Variants in DPYSL3 observed in about 807,000 individuals in gnomAD.
DPYSL3 encodes the protein dihydropyrimidinase-related protein 3.
A neutral mutation model predicts 66.1 loss-of-function variants in DPYSL3; 16 were observed. The ratio of observed to expected loss-of-function variants is 0.24; its 90% CI spans 0.16 to 0.37. The LOEUF is 0.37. Among genes scored for constraint, DPYSL3 ranks in the 10% least tolerant of loss-of-function variants. The probability of loss-of-function intolerance (pLI) is 1.00; values close to 1 mark genes in which losing one functional copy is unlikely to be tolerated. For synonymous variants in DPYSL3, 338 were observed against 345.1 expected (o/e 0.98, Z 0.23); for missense variants, 738 against 916.2 (o/e 0.81, Z 2.51).
At chr5:147,452,756 A>C (rs1423025200) in intron 1 of DPYSL3, among the ~76,000 whole-genome samples, 1 of 152,018 alleles carries the variant, frequency 6.6e-6, no homozygotes, top group Non-Finnish European at 1.5e-5. Flanking sequence ...TCTTGCACAC[A>C]ATGGGTTGAA....
chr5:147,405,366 G>C (rs1310470982), intron 8 of DPYSL3, among the ~76,000 whole-genome samples: 2 of 152,230 alleles, frequency 1.3e-5, no homozygotes, highest in Non-Finnish European at 2.9e-5. Flanking sequence ...CAAAGTCTCA[G>C]AAGAACTGGT....
At chr5:147,502,323 A>AC in intron 1 of DPYSL3, among the ~76,000 whole-genome samples, 1 of 152,130 alleles carries the variant, frequency 6.6e-6, no homozygotes, top group Non-Finnish European at 1.5e-5. Flanking sequence ...AAATAATTTA[A>AC]ACACAGAAAT....
chr5:147,420,914 C>T (rs1752064877), intron 2 of DPYSL3, among the ~76,000 whole-genome samples: 2 of 152,102 alleles, frequency 1.3e-5, no homozygotes, highest in African/African-American at 2.4e-5. Flanking sequence ...ATTTAAGGCT[C>T]AATTGTAAAA....
intron 1 of DPYSL3, among the ~76,000 whole-genome samples, chr5:147,427,599 T>A (rs1282265835): frequency 1.3e-5 from 2 of 152,164 alleles, no homozygotes; most frequent in Non-Finnish European, 2.9e-5. Context: ...TGTGTACACA[T>A]TAGAAAAATA....
chr5:147,417,655 T>C (rs1001695316), intron 3 of DPYSL3, among the ~76,000 whole-genome samples: 3 of 152,186 alleles, frequency 2.0e-5, no homozygotes, highest in Admixed American at 6.5e-5. Context: ...AGGATTCCTT[T>C]GGGACAGGAA....
At chr5:147,450,116 T>C (rs1752699161) in intron 1 of DPYSL3, among the ~76,000 whole-genome samples, 1 of 152,120 alleles carries the variant, frequency 6.6e-6, no homozygotes, top group South Asian at 2.1e-4. Context: ...CAGTTGGGTA[T>C]GTAGGTTTAA....
At chr5:147,485,535 C>T (rs1222982646) in intron 1 of DPYSL3, among the ~76,000 whole-genome samples, 3 of 152,104 alleles carry the variant, frequency 2.0e-5, no homozygotes, top group Non-Finnish European at 2.9e-5. Flanking sequence ...GTATTCTTTA[C>T]TATTAAAATG....
intron 1 of DPYSL3, among the ~76,000 whole-genome samples, chr5:147,459,901 C>A (rs904006186): frequency 2.6e-5 from 4 of 152,070 alleles, no homozygotes; most frequent in Non-Finnish European, 5.9e-5. Context: ...ATGAGGTCAG[C>A]AGATCAAGAC....
rs185191627 is a variant in DPYSL3 at position 147,391,836 on chromosome 5, T to C, written c.*2199A>G. ...GGTTGTTCCCAGAGCAAGGAAATCTTGTGCAGAATCAAAGGTTCTGGTGGA... is the reference window on the plus strand; with the variant it reads ...GGTTGTTCCCAGAGCAAGGAAATCTCGTGCAGAATCAAAGGTTCTGGTGGA... On this transcript the variant is annotated 3_prime_UTR_variant, in exon 14 of 14. Coordinates refer to ENST00000343218, the MANE Select transcript of DPYSL3 (RefSeq NM_001197294.2). The C allele has an allele frequency of 7.2e-5, 11 of 152,270 alleles. No homozygotes were observed. The highest frequency in any genetic ancestry group is 1.9e-4 in the African/African-American group (8 of 41,540). 9.4% of individuals were successfully genotyped at this position (152,270 alleles called of 1,614,324 possible).
chr5:147,471,343 G>C (rs1753083155), intron 1 of DPYSL3, among the ~76,000 whole-genome samples: 1 of 152,122 alleles, frequency 6.6e-6, no homozygotes, highest in African/African-American at 2.4e-5. Context: ...CCTCCACCTA[G>C]GCTAGAATCA....
At chr5:147,455,738 A>G (rs1184924495) in intron 1 of DPYSL3, among the ~76,000 whole-genome samples, 3 of 152,062 alleles carry the variant, frequency 2.0e-5, no homozygotes, top group African/African-American at 7.2e-5. Context: ...AAGCAAAAAT[A>G]TGTAGGGGAC....
At chr5:147,402,202 C>A (rs1758201725) in intron 8 of DPYSL3, among the ~76,000 whole-genome samples, 1 of 152,158 alleles carries the variant, frequency 6.6e-6, no homozygotes, top group Non-Finnish European at 1.5e-5. Flanking sequence ...CTTTCTTTAC[C>A]TGTTATGCCT....
Position 147,395,707 on chromosome 5 carries a change from A to C in DPYSL3, c.1818T>G (p.His606Gln), listed in dbSNP as rs1757950272. ...IKARRKMADL[H>Q]AVPRGMYDGP... ...CATCGTACATGCCCCTTGGGACGGC[A>C]TGCAGGTCTGCCATCTGCAGCCAGA... Residue 606 changes from histidine (H) to glutamine (Q), a missense_variant, in exon 13 of 14, where the codon CAT becomes CAG. Coordinates refer to ENST00000343218, the MANE Select transcript of DPYSL3 (RefSeq NM_001197294.2). 1 of 1,613,928 alleles carries C rather than the reference A, an allele frequency of 6.2e-7. No homozygotes were observed. Among genetic ancestry groups the C allele is most frequent in the Non-Finnish European group, 8.5e-7 (1 of 1,180,008 alleles).
In DPYSL3 at chr5:147,393,318, C is replaced by T. The variant is rs1456177251; in HGVS notation, c.*717G>A. 1 of 152,262 alleles carries T rather than the reference C, an allele frequency of 6.6e-6. No individual in the cohort carries two copies. Among genetic ancestry groups the T allele is most frequent in the Non-Finnish European group, 1.5e-5 (1 of 68,112 alleles). 9.4% of individuals were successfully genotyped at this position (152,262 alleles called of 1,614,324 possible). A position where few individuals can be genotyped will look rare whatever the true frequency, so the allele number is the denominator to read the frequency against. On this transcript the variant is annotated 3_prime_UTR_variant, in exon 14 of 14. Coordinates refer to ENST00000343218, the MANE Select transcript of DPYSL3 (RefSeq NM_001197294.2). ...GAAAGAGAAGGATTTGAAAGCAACA[C>T]TAAGAAAGAGGCCTGAGCAAACACT...
intron 1 of DPYSL3, among the ~76,000 whole-genome samples, chr5:147,432,887 AC>A (rs1279348198): frequency 8.5e-5 from 13 of 152,356 alleles, no homozygotes; most frequent in African/African-American, 2.9e-4. Flanking sequence ...TAAAAACATC[AC>A]TAAATTTTGT....
chr5:147,400,245 G>A (rs1411660123), intron 10 of DPYSL3, among the ~76,000 whole-genome samples: 4 of 152,098 alleles, frequency 2.6e-5, no homozygotes, highest in South Asian at 2.1e-4. Context: ...CACTTGTATC[G>A]CCTGAATGAC....
At chr5:147,479,967 C>A (rs1438654519) in intron 1 of DPYSL3, among the ~76,000 whole-genome samples, 1 of 152,182 alleles carries the variant, frequency 6.6e-6, no homozygotes, top group Non-Finnish European at 1.5e-5. Context: ...GAGACCAAGG[C>A]ACAGCAATTA....
At chr5:147,499,064 T>C (rs1207947349) in intron 1 of DPYSL3, among the ~76,000 whole-genome samples, 3 of 152,188 alleles carry the variant, frequency 2.0e-5, no homozygotes, top group Non-Finnish European at 4.4e-5. Context: ...GGTTTTACAT[T>C]TCACTCTTTA....
At chr5:147,407,052 C>A (rs1274967691) in intron 7 of DPYSL3, among the ~76,000 whole-genome samples, 1 of 152,136 alleles carries the variant, frequency 6.6e-6, no homozygotes, top group Non-Finnish European at 1.5e-5. Flanking sequence ...TGCCTGGGGT[C>A]CCAGCTCTCT....
Sources: gnomAD v4.1 joint callset for allele counts (sites outside exome capture counted in the v4.1 genomes callset) on GRCh38, gnomAD v4.1.1 for gene constraint, MANE v1.5 for transcripts, NCBI Gene and HGNC (gene_info 2026-07-23, HGNC 2026-07-21) for gene names.